SEMA3C: variants seen among roughly 807,000 people sequenced by gnomAD.
The protein encoded by SEMA3C is semaphorin-3C.
In SEMA3C, 47 loss-of-function variants were observed where a neutral mutation model predicts 89.4. The observed-to-expected ratio is 0.53, with a 90% CI of 0.42 to 0.67. SEMA3C has a LOEUF of 0.67. SEMA3C is among the 30% of genes least tolerant of loss of function. SEMA3C has a pLI of 0.00. For missense variants in SEMA3C, 839 were observed against 929.1 expected (o/e 0.90, Z 1.26); for synonymous variants, 310 against 320.2 (o/e 0.97, Z 0.34).
chr7:80,840,516 AG>A (rs1432992352), intron 2 of SEMA3C, among the ~76,000 whole-genome samples: 1 of 111,864 alleles, frequency 8.9e-6, no homozygotes, highest in Non-Finnish European at 1.8e-5. Flanking sequence ...ACCTGTCTCC[AG>A]GAAAAAAAAA....
intron 2 of SEMA3C, among the ~76,000 whole-genome samples, chr7:80,897,395 GA>G (rs774543765): frequency 6.6e-6 from 1 of 152,154 alleles, no homozygotes; most frequent in Non-Finnish European, 1.5e-5. Context: ...TGGGGGCTGG[GA>G]ACTACAGGAG....
chr7:80,758,494 A>G lies in SEMA3C; in HGVS notation c.1486-6T>C, dbSNP rs1466025498. 2.5e-6 allele frequency: 4 copies of G among 1,612,808 alleles called. No individual in the cohort carries two copies. The highest frequency in any genetic ancestry group is 4.5e-5 in the East Asian group (2 of 44,884). On this transcript the variant is annotated splice_polypyrimidine_tract_variant and splice_region_variant and intron_variant, in intron 14 of 17. Transcript: ENST00000265361. The stretch of plus-strand genomic sequence containing the variant: ...GAACTCACATACAACTGTTGCTATT[A>G]AAGGAATGATGATGATTTATTTCAG...
chr7:80,865,445 G>C (rs1301273200), intron 2 of SEMA3C, among the ~76,000 whole-genome samples: 1 of 151,960 alleles, frequency 6.6e-6, no homozygotes, highest in East Asian at 1.9e-4. Context: ...TGTTTTTACT[G>C]TCTCATTTAT....
chr7:80,865,205 G>A (rs1790897246), intron 2 of SEMA3C, among the ~76,000 whole-genome samples: 2 of 151,996 alleles, frequency 1.3e-5, no homozygotes, highest in African/African-American at 4.8e-5. Context: ...GAAGTAAAAT[G>A]GTATCTAAAA....
At chr7:80,761,715 A>C in intron 13 of SEMA3C, 58 bp from the exon 14 acceptor site, 1 of 974,554 alleles carries the variant, frequency 1.0e-6, no homozygotes, top group Middle Eastern at 2.8e-4. Flanking sequence ...AGGATTTTAC[A>C]TTCAGATTTT....
intron 2 of SEMA3C, among the ~76,000 whole-genome samples, chr7:80,873,963 C>A (rs573944955): frequency 6.6e-6 from 1 of 152,090 alleles, no homozygotes; most frequent in Non-Finnish European, 1.5e-5. Context: ...CTCTTCCTCC[C>A]TCTTGCAACT....
intron 2 of SEMA3C, among the ~76,000 whole-genome samples, chr7:80,849,183 T>C (rs1790454533): frequency 6.6e-6 from 1 of 152,174 alleles, no homozygotes; most frequent in Non-Finnish European, 1.5e-5. Flanking sequence ...AGTAATCTTC[T>C]TTACTGTTCT....
intron 12 of SEMA3C, among the ~76,000 whole-genome samples, chr7:80,773,467 CTAGAG>C (rs1300048836): frequency 5.3e-5 from 8 of 152,066 alleles, no homozygotes; most frequent in Non-Finnish European, 1.2e-4. Flanking sequence ...GTAATTGATA[CTAGAG>C]TACTTTCCTG....
chr7:80,840,647 G>A (rs7341415), intron 2 of SEMA3C, among the ~76,000 whole-genome samples: 32,615 of 151,418 alleles, frequency 0.22, 3,709 homozygotes, highest in Admixed American at 0.32. Flanking sequence ...GGAGGTACAC[G>A]AGCAACTGCA....
intron 11 of SEMA3C, among the ~76,000 whole-genome samples, chr7:80,792,440 G>A (rs555606347): frequency 5.3e-5 from 8 of 152,250 alleles, no homozygotes; most frequent in African/African-American, 9.6e-5. Flanking sequence ...AAGCATTCTC[G>A]TTTCTGAGTT....
At chr7:80,831,868 T>C (rs1349731817) in intron 2 of SEMA3C, among the ~76,000 whole-genome samples, 6 of 152,188 alleles carry the variant, frequency 3.9e-5, no homozygotes, top group African/African-American at 7.2e-5. Flanking sequence ...GAGAAATGAA[T>C]ATGCCCTTAC....
intron 5 of SEMA3C, among the ~76,000 whole-genome samples, chr7:80,813,869 T>C (rs1789532204): frequency 6.6e-6 from 1 of 152,174 alleles, no homozygotes; most frequent in Non-Finnish European, 1.5e-5. Flanking sequence ...GCGTCTAACG[T>C]CAATTATTGC....
At chr7:80,804,734 T>C (rs1289762304) in intron 7 of SEMA3C, among the ~76,000 whole-genome samples, 1 of 151,972 alleles carries the variant, frequency 6.6e-6, no homozygotes. Flanking sequence ...ACATACAGGG[T>C]TTCCTTATTT....
In SEMA3C at chr7:80,800,794, TCGG is replaced by T; in HGVS notation, c.946_948del (p.Pro316del). 1.3e-6 allele frequency: 2 copies of T among 1,518,372 alleles called. No homozygotes were observed. The highest frequency in any genetic ancestry group is 1.8e-6 in the Non-Finnish European group (2 of 1,138,960). The allele number at this position is 1,518,372 out of a possible 1,614,324, so 94.1% of individuals were successfully genotyped here. On this transcript the variant is annotated inframe_deletion, in exon 10 of 18. Coordinates refer to ENST00000265361, the MANE Select transcript of SEMA3C (RefSeq NM_006379.5). ...AAAATGCCATACACTAGTGTTGTCC[TCGG>T]GTTATCAGTTTCCAGCAGAAACACA...
At chr7:80,800,152 CA>C (rs1215573724) in intron 10 of SEMA3C, among the ~76,000 whole-genome samples, 3,013 of 58,378 alleles carry the variant, frequency 0.052, 93 homozygotes, top group East Asian at 0.28. Flanking sequence ...GACTCCATCT[CA>C]AAAAAAAAAA....
intron 17 of SEMA3C, among the ~76,000 whole-genome samples, chr7:80,745,886 A>G (rs1787789207): frequency 6.6e-6 from 1 of 152,176 alleles, no homozygotes; most frequent in African/African-American, 2.4e-5. Flanking sequence ...AACAATGTCT[A>G]AAAATTAGCT....
chr7:80,847,650 GGACA>G (rs1283633728), intron 2 of SEMA3C, among the ~76,000 whole-genome samples: 2 of 152,006 alleles, frequency 1.3e-5, no homozygotes, highest in African/African-American at 2.4e-5. Flanking sequence ...GAAGCATTTA[GGACA>G]GACAATGAAT....
chr7:80,766,550 A>G (rs112962455), intron 12 of SEMA3C, among the ~76,000 whole-genome samples: 5,232 of 152,160 alleles, frequency 0.034, 134 homozygotes, highest in South Asian at 0.054. Flanking sequence ...GGCCTTTGAG[A>G]CCCTATGCTC....
chr7:80,823,040 T>G (rs1040503030), intron 4 of SEMA3C, among the ~76,000 whole-genome samples: 1 of 152,194 alleles, frequency 6.6e-6, no homozygotes, highest in Admixed American at 6.5e-5. Flanking sequence ...TGGCACAATG[T>G]TAGTGAAATA....
Sources: allele counts gnomAD v4.1 joint callset (sites outside exome capture counted in the v4.1 genomes callset), GRCh38; gene constraint gnomAD v4.1.1; transcripts MANE v1.5; gene names NCBI Gene and HGNC (gene_info 2026-07-23, HGNC 2026-07-21).